The following ACACB variants were observed in gnomAD, a reference collection of about 807,000 sequenced individuals.
ACACB encodes the protein acetyl-CoA carboxylase beta.
ACACB carries 209 observed loss-of-function variants against 278.8 expected under a neutral mutation model. That is an observed-to-expected ratio of 0.75 (90% CI 0.67 to 0.84). The LOEUF (loss-of-function observed/expected upper bound fraction) is 0.84, where lower values mean the gene tolerates loss of function less well. Among genes scored for constraint, ACACB ranks in the 40% least tolerant of loss-of-function variants. The pLI, the probability that ACACB is intolerant of heterozygous loss-of-function variation, is 0.00. For missense variants in ACACB, 2,850 were observed against 3,269.0 expected, an observed-to-expected ratio of 0.87 and a Z score of 3.13; for synonymous variants, 1,174 against 1,285.6, an observed-to-expected ratio of 0.91 and a Z score of 1.86.
chr12:109,263,169 C>CTTTA (rs771709622), intron 49 of ACACB: 5 of 151,154 alleles, frequency 3.3e-5, no homozygotes, highest in Admixed American at 6.6e-5. Flanking sequence ...ATGTAATTAT[C>CTTTA]TTTATTTATT....
At chr12:109,216,415 T>C (rs1205296852) in intron 22 of ACACB, among the ~76,000 whole-genome samples, 1 of 151,650 alleles carries the variant, frequency 6.6e-6, no homozygotes. Context: ...AGAGACAGGG[T>C]TTCACCATTT....
chr12:109,192,784 C>T (rs2044940306), intron 15 of ACACB, among the ~76,000 whole-genome samples: 1 of 151,928 alleles, frequency 6.6e-6, no homozygotes, highest in Non-Finnish European at 1.5e-5. Flanking sequence ...ACCTCAGCCT[C>T]CCAAGTAGTT....
intron 2 of ACACB, among the ~76,000 whole-genome samples, chr12:109,145,022 A>G (rs942628779): frequency 6.6e-6 from 1 of 151,884 alleles, no homozygotes; most frequent in Non-Finnish European, 1.5e-5. Context: ...AGGCCTCCCA[A>G]AGTGCTGGGA....
chr12:109,118,869 T>C (rs754272961), intron 1 of ACACB, among the ~76,000 whole-genome samples: 7 of 152,236 alleles, frequency 4.6e-5, no homozygotes, highest in Non-Finnish European at 7.3e-5. Flanking sequence ...CCTATCCTAA[T>C]AGATCTCTCT....
intron 1 of ACACB, among the ~76,000 whole-genome samples, chr12:109,123,229 G>T (rs1250821397): frequency 1.3e-5 from 2 of 151,832 alleles, no homozygotes; most frequent in Non-Finnish European, 2.9e-5. Context: ...GAATTTTACA[G>T]TGGGTGCCCA....
intron 16 of ACACB, 124 bp downstream of exon 16, chr12:109,193,853 G>A (rs761948452): frequency 9.9e-6 from 8 of 809,608 alleles, no homozygotes; most frequent in South Asian, 6.5e-5. Context: ...TGTGTTCCTC[G>A]GGAATCCCCA....
chr12:109,194,511 CATGT>C (rs1197093757), intron 16 of ACACB, among the ~76,000 whole-genome samples: 9 of 54,332 alleles, frequency 1.7e-4, no homozygotes, highest in African/African-American at 7.3e-4. Context: ...TCTGTGTGTG[CATGT>C]GTGTGTGTGT....
Position 109,223,807 on chromosome 12 carries a change from T to A in ACACB, c.3793-8T>A. 6.2e-7 allele frequency: 1 copy of A among 1,610,766 alleles called. No individual in the cohort carries two copies. Among genetic ancestry groups the A allele is most frequent in the Non-Finnish European group, 8.5e-7 (1 of 1,176,966 alleles). ...CTTTTCCTTGTTTCCCCTTTTCATT[T>A]CCCTTAGAAATTAATACTTTCGGAA... On this transcript the variant is annotated splice_polypyrimidine_tract_variant and splice_region_variant and intron_variant, in intron 26 of 52. Coordinates refer to ENST00000338432, the MANE Select transcript of ACACB (RefSeq NM_001093.4).
At chr12:109,231,588 C>T (rs879322485) in intron 28 of ACACB, among the ~76,000 whole-genome samples, 12 of 152,020 alleles carry the variant, frequency 7.9e-5, no homozygotes, top group Non-Finnish European at 1.5e-4. Context: ...AAAAGCACCC[C>T]CAGGTTCGAT....
intron 2 of ACACB, 27 bp from the exon 3 acceptor site, chr12:109,166,834 C>A (rs1254871267): frequency 6.2e-7 from 1 of 1,613,816 alleles, no homozygotes; most frequent in Admixed American, 1.7e-5. Context: ...CCCTCATGCA[C>A]GTCTGTCCCT....
chr12:109,118,259 C>T (rs2042455900), intron 1 of ACACB, among the ~76,000 whole-genome samples: 1 of 152,158 alleles, frequency 6.6e-6, no homozygotes, highest in African/African-American at 2.4e-5. Context: ...GTTGTGTAAA[C>T]TCGCTCATAC....
intron 30 of ACACB, 42 bp from the exon 31 acceptor site, chr12:109,233,896 C>T (rs7974040): frequency 0.22 from 348,201 of 1,612,504 alleles, 39,532 homozygotes; most frequent in Non-Finnish European, 0.23. Flanking sequence ...TGGGCCGTGG[C>T]CCCCAGGCTT....
In ACACB at chr12:109,133,258, C is replaced by T. The variant is rs541393096; in HGVS notation, c.-9-6139C>T. 9.9e-5 allele frequency among the ~76,000 whole-genome samples: 15 copies of T among 152,050 alleles called. No homozygotes were observed. The East Asian group carries it at 2.9e-3, about 29-fold the overall frequency. On this transcript the variant is annotated intron_variant, in intron 1 of 52. Transcript: ENST00000338432. ...CTTCTCTTTCTCTCTCTCTCTCTCT[C>T]TCTCTCTCGTTGCCCAGGCTGGAGT...
intron 22 of ACACB, among the ~76,000 whole-genome samples, chr12:109,214,737 C>T (rs138397266): frequency 2.0e-5 from 3 of 152,150 alleles, no homozygotes; most frequent in African/African-American, 7.2e-5. Context: ...AACTCAGTGG[C>T]GCATCTCCTG....
intron 50 of ACACB, among the ~76,000 whole-genome samples, chr12:109,264,645 A>C (rs1173587726): frequency 6.6e-6 from 1 of 152,132 alleles, no homozygotes; most frequent in Non-Finnish European, 1.5e-5. Context: ...TAAGCAGCAA[A>C]GTTCAGGGAC....
chr12:109,182,351 T>A (rs904962937), intron 11 of ACACB, among the ~76,000 whole-genome samples: 7 of 152,134 alleles, frequency 4.6e-5, no homozygotes, highest in African/African-American at 1.7e-4. Context: ...GAGACTTTTT[T>A]CCTACTCAGT....
chr12:109,205,851 T>A (rs779339241), intron 19 of ACACB, among the ~76,000 whole-genome samples: 6 of 152,158 alleles, frequency 3.9e-5, no homozygotes, highest in Non-Finnish European at 8.8e-5. Context: ...GAGTGTTCTC[T>A]GCTGGGAGAA....
chr12:109,158,040 G>A (rs2043598409), intron 2 of ACACB, among the ~76,000 whole-genome samples: 1 of 152,118 alleles, frequency 6.6e-6, no homozygotes, highest in Non-Finnish European at 1.5e-5. Context: ...TGAAAAATCT[G>A]GATGCCGGGG....
chr12:109,156,460 C>G (rs944049620), intron 2 of ACACB, among the ~76,000 whole-genome samples: 4 of 149,986 alleles, frequency 2.7e-5, no homozygotes, highest in Non-Finnish European at 5.9e-5. Flanking sequence ...CCTGGGAGAT[C>G]GAGGCTGTAG....
Sources: allele counts gnomAD v4.1 joint callset (sites outside exome capture counted in the v4.1 genomes callset), GRCh38; gene constraint gnomAD v4.1.1; transcripts MANE v1.5; gene names NCBI Gene and HGNC (gene_info 2026-07-23, HGNC 2026-07-21).